DNAH6: variants seen among roughly 807,000 people sequenced by gnomAD.
DNAH6 encodes the protein axonemal beta dynein heavy chain 6.
A neutral mutation model predicts 491.4 loss-of-function variants in DNAH6; 340 were observed. The ratio of observed to expected loss-of-function variants is 0.69; its 90% CI spans 0.63 to 0.76. DNAH6 has a LOEUF of 0.76. Among genes scored for constraint, DNAH6 ranks in the 30% least tolerant of loss-of-function variants. The pLI is 0.00. For synonymous variants in DNAH6, 1,603 were observed against 1,686.1 expected, an observed-to-expected ratio of 0.95 and a Z score of 1.21; for missense variants, 4,443 against 4,972.2, an observed-to-expected ratio of 0.89 and a Z score of 3.20.
intron 4 of DNAH6, among the ~76,000 whole-genome samples, chr2:84,541,087 A>G (rs1030725699): frequency 1.3e-5 from 2 of 152,168 alleles, no homozygotes; most frequent in Non-Finnish European, 2.9e-5. Context: ...TGGAACAAAC[A>G]TCCAAAACCA....
chr2:84,709,471 C>A lies in DNAH6; in HGVS notation c.9177C>A (p.Asp3059Glu), dbSNP rs769239239. 23 of 1,551,478 alleles carry A rather than the reference C, an allele frequency of 1.5e-5. 1 individual carries two copies. The South Asian group carries it at 2.3e-4, about 15-fold the overall frequency. ...GGAACACTGATGGGCTGCCCCGTGA[C>A]TTGATATCAACAGAAAATGGCATTT... ...RQWNTDGLPR[D>E]LISTENGILV... Residue 3059 changes from aspartate (D) to glutamate (E), a missense_variant, in exon 55 of 77, where the codon GAC becomes GAA. Asp to Glu is a conservative substitution (Grantham distance 45). This residue lies in a region of DNAH6 where 1,463 missense variants were observed against 1,656.6 expected (regional missense o/e 0.88). Coordinates refer to ENST00000389394, the MANE Select transcript of DNAH6 (RefSeq NM_001370.2).
At chr2:84,697,353 T>A (rs964478526) in intron 46 of DNAH6, among the ~76,000 whole-genome samples, 1 of 152,118 alleles carries the variant, frequency 6.6e-6, no homozygotes, top group Non-Finnish European at 1.5e-5. Flanking sequence ...ACATATGACT[T>A]GACCAAGGTA....
chr2:84,564,083 G>C (rs1252348390), intron 11 of DNAH6, among the ~76,000 whole-genome samples: 2 of 152,164 alleles, frequency 1.3e-5, no homozygotes, highest in African/African-American at 4.8e-5. Flanking sequence ...ATACCTTGCT[G>C]TTTTGGTTAC....
chr2:84,629,557 T>C (rs1558821646), intron 29 of DNAH6, among the ~76,000 whole-genome samples: 1 of 152,252 alleles, frequency 6.6e-6, no homozygotes, highest in Non-Finnish European at 1.5e-5. Flanking sequence ...TTTACATCTT[T>C]TCTCCATGTT....
intron 29 of DNAH6, among the ~76,000 whole-genome samples, chr2:84,633,798 T>C (rs1254175096): frequency 6.6e-6 from 1 of 151,950 alleles, no homozygotes; most frequent in Non-Finnish European, 1.5e-5. Flanking sequence ...GAGAGAGATA[T>C]GCACACAGAT....
chr2:84,570,006 A>G (rs1681611173), intron 11 of DNAH6, among the ~76,000 whole-genome samples: 1 of 151,886 alleles, frequency 6.6e-6, no homozygotes, highest in South Asian at 2.1e-4. Context: ...ACAAGCAATG[A>G]CATCCCAATA....
At position 84,814,136 on chromosome 2, in the gene DNAH6, G is replaced by A. The variant is rs1680268071; in HGVS notation, c.12150+14G>A. On this transcript the variant is annotated intron_variant, in intron 75 of 76. Transcript: ENST00000389394. The stretch of plus-strand genomic sequence containing the variant: ...ATGGACATGGAGGTATTGTCCACCT[G>A]GCTGTTATGGCAAAGCAGCTTCTAT... 3 of 1,548,848 alleles carry A rather than the reference G, an allele frequency of 1.9e-6. No homozygotes were observed. The highest frequency in any genetic ancestry group is 3.9e-5 in the Admixed American group (2 of 50,844).
At position 84,639,493 on chromosome 2, in the gene DNAH6, A is replaced by G. The variant is rs563861470; in HGVS notation, c.4822-937A>G. Among the ~76,000 whole-genome samples, 4 of 146,176 alleles carry G rather than the reference A, an allele frequency of 2.7e-5. No homozygotes were observed. In the Admixed American group the frequency reaches 2.8e-4, roughly 10 times the overall value. ...GAGTGCAATGGCACGATCTCGGCTC[A>G]CTGCAACCTCCATCTCCCAGGTTTA... On this transcript the variant is annotated intron_variant, in intron 31 of 76. Coordinates refer to ENST00000389394, the MANE Select transcript of DNAH6 (RefSeq NM_001370.2).
In DNAH6 at chr2:84,653,821, C is replaced by T. The variant is rs1690688727; in HGVS notation, c.5581C>T (p.Leu1861=). The T allele has an allele frequency of 1.3e-6, 2 of 1,551,300 alleles. No individual in the cohort carries two copies. The highest frequency in any genetic ancestry group is 2.7e-5 in the African/African-American group (2 of 72,998). ...TVLDDNKMLC[L]ANSERIKLTP... is the part of the protein sequence containing the mutation. ...GCTGGATGATAACAAGATGCTTTGC[C>T]TGGCTAACAGTGAGAGGATTAAACT... The change falls in exon 34 of 77, where the codon CTG becomes TTG. Residue 1861 remains leucine (L), a synonymous_variant. Coordinates refer to ENST00000389394, the MANE Select transcript of DNAH6 (RefSeq NM_001370.2).
At position 84,579,667 on chromosome 2, in the gene DNAH6, A is replaced by G. The variant is rs1435689292; in HGVS notation, c.2217A>G (p.Glu739=). The G allele has an allele frequency of 6.3e-7, 1 of 1,585,510 alleles. No homozygotes were observed. Among genetic ancestry groups the G allele is most frequent in the Non-Finnish European group, 8.6e-7 (1 of 1,169,154 alleles). Reference sequence around the variant, plus strand: ...TTCATAGCTTATTATTTCTTGATGAAATTCAGGAACGGGTGAGTTGATTAT... The same window carrying G: ...TTCATAGCTTATTATTTCTTGATGAGATTCAGGAACGGGTGAGTTGATTAT... ...EYVHSLLFLD[E]IQERIESLED... The change falls in exon 14 of 77, where the codon GAA becomes GAG. Residue 739 remains glutamate, a synonymous_variant. Coordinates refer to ENST00000389394, the MANE Select transcript of DNAH6 (RefSeq NM_001370.2).
intron 4 of DNAH6, among the ~76,000 whole-genome samples, chr2:84,536,607 G>T (rs1214707414): frequency 1.3e-5 from 2 of 152,120 alleles, no homozygotes; most frequent in East Asian, 3.9e-4. Context: ...TTAAAGAGTG[G>T]TGGTACCTTT....
At chr2:84,667,300 T>A (rs1314294448) in intron 37 of DNAH6, among the ~76,000 whole-genome samples, 6 of 152,006 alleles carry the variant, frequency 3.9e-5, no homozygotes, top group South Asian at 2.1e-4. Context: ...CTACCATCAG[T>A]GTGAACAGGC....
chr2:84,494,439 G>A, the DNAH6 span, among the ~76,000 whole-genome samples: 125 of 152,234 alleles, frequency 8.2e-4, no homozygotes, highest in African/African-American at 2.8e-3. Flanking sequence ...ACATCACATC[G>A]AAAATCCCAC....
chr2:84,614,624 T>C (rs761837536), intron 22 of DNAH6, among the ~76,000 whole-genome samples: 3 of 152,190 alleles, frequency 2.0e-5, no homozygotes, highest in Non-Finnish European at 2.9e-5. Flanking sequence ...TTTTCCATAG[T>C]GGCTGTCTTA....
chr2:84,514,048 G>A (rs1675437452), upstream of DNAH6, among the ~76,000 whole-genome samples: 1 of 152,000 alleles, frequency 6.6e-6, no homozygotes, highest in Non-Finnish European at 1.5e-5. Flanking sequence ...GCAAGGCCTA[G>A]TCTTCCATTT....
chr2:84,511,280 C>T, the DNAH6 span, among the ~76,000 whole-genome samples: 2 of 152,180 alleles, frequency 1.3e-5, no homozygotes, highest in Non-Finnish European at 2.9e-5. Flanking sequence ...TGGCGGGCGC[C>T]CCTCCCCCAG....
chr2:84,680,472 C>A (rs1693677019), intron 41 of DNAH6, among the ~76,000 whole-genome samples: 2 of 152,010 alleles, frequency 1.3e-5, no homozygotes, highest in African/African-American at 4.8e-5. Flanking sequence ...TCAGGAAAGG[C>A]CTCTCTGGAG....
chr2:84,499,990 C>T, the DNAH6 span, among the ~76,000 whole-genome samples: 3 of 151,392 alleles, frequency 2.0e-5, no homozygotes, highest in African/African-American at 7.3e-5. Flanking sequence ...TGTCTCTTCA[C>T]TTTGTTATCG....
chr2:84,813,525 A>T (rs974628402), intron 74 of DNAH6, among the ~76,000 whole-genome samples: 16 of 152,180 alleles, frequency 1.1e-4, no homozygotes, highest in African/African-American at 3.9e-4. Context: ...CTCTTGGGGA[A>T]TCTGGCTAGA....
Sources: gnomAD v4.1 joint callset for allele counts (sites outside exome capture counted in the v4.1 genomes callset) on GRCh38, gnomAD v4.1.1 for gene constraint, gnomAD v4.1.1 regional missense constraint, MANE v1.5 for transcripts, NCBI Gene and HGNC (gene_info 2026-07-23, HGNC 2026-07-21) for gene names.